The following AGBL4 variants were observed in gnomAD, a reference collection of about 807,000 sequenced individuals.
AGBL4 encodes the protein cytosolic carboxypeptidase 6.
In AGBL4, 58 loss-of-function variants were observed where a neutral mutation model predicts 66.4. The observed-to-expected ratio is 0.87, with a 90% CI of 0.71 to 1.09. The LOEUF (loss-of-function observed/expected upper bound fraction) is 1.09. Ranked by LOEUF, AGBL4 falls within the 50% of genes least tolerant of loss-of-function variation. The pLI, the probability that AGBL4 is intolerant of heterozygous loss-of-function variation, is 0.00. For synonymous variants in AGBL4, 234 were observed against 222.9 expected (o/e 1.05, Z -0.44); for missense variants, 579 against 631.0 (o/e 0.92, Z 0.88).
intron 1 of AGBL4, among the ~76,000 whole-genome samples, chr1:49,983,466 G>A (rs1344164722): frequency 2.6e-5 from 4 of 152,216 alleles, no homozygotes; most frequent in South Asian, 4.1e-4. Flanking sequence ...CACACCGCTC[G>A]CTGCTCTACT....
intron 6 of AGBL4, among the ~76,000 whole-genome samples, chr1:48,672,771 C>G (rs1646297353): frequency 6.6e-6 from 1 of 152,160 alleles, no homozygotes; most frequent in African/African-American, 2.4e-5. Context: ...TGACAATTGT[C>G]ATTTTAAGCC....
At chr1:49,584,399 C>T (rs959072347) in intron 3 of AGBL4, among the ~76,000 whole-genome samples, 2 of 152,150 alleles carry the variant, frequency 1.3e-5, no homozygotes, top group Admixed American at 6.5e-5. Flanking sequence ...AATTTTCTTA[C>T]AGTATCCTTC....
chr1:48,861,501 A>C (rs1210838335), intron 6 of AGBL4, among the ~76,000 whole-genome samples: 2 of 152,230 alleles, frequency 1.3e-5, no homozygotes, highest in Non-Finnish European at 2.9e-5. Flanking sequence ...AATAATATTG[A>C]AACCTGCCCA....
chr1:49,558,404 G>A (rs536420902), intron 3 of AGBL4, among the ~76,000 whole-genome samples: 25 of 152,230 alleles, frequency 1.6e-4, no homozygotes, highest in African/African-American at 5.8e-4. Flanking sequence ...GTGCAGTGGT[G>A]CGATCTCAGC....
chr1:49,690,219 T>A (rs919447611), intron 3 of AGBL4, among the ~76,000 whole-genome samples: 4 of 152,218 alleles, frequency 2.6e-5, no homozygotes, highest in Admixed American at 6.5e-5. Flanking sequence ...ATAGTGAGCA[T>A]AAGTTTTATA....
chr1:48,654,831 C>T (rs530513083), intron 7 of AGBL4, among the ~76,000 whole-genome samples: 14 of 152,252 alleles, frequency 9.2e-5, no homozygotes, highest in Non-Finnish European at 2.1e-4. Flanking sequence ...TCATTTACTT[C>T]TCGGCTAACG....
intron 3 of AGBL4, among the ~76,000 whole-genome samples, chr1:49,272,571 A>G (rs1644084520): frequency 6.6e-6 from 1 of 152,162 alleles, no homozygotes; most frequent in African/African-American, 2.4e-5. Context: ...CTTTACATAT[A>G]TATTTACTAC....
chr1:49,283,958 CAGG>C lies in AGBL4; in HGVS notation c.283-38097_283-38095del, dbSNP rs777866496. ...GGAAAACACTCTGCAGGATATTATC[CAGG>C]AGAACTTCCCCAATCTAGCAAGGCA... is the stretch of plus-strand genomic sequence containing the variant. On this transcript the variant is annotated intron_variant, in intron 3 of 13. Coordinates refer to ENST00000371839, the MANE Select transcript of AGBL4 (RefSeq NM_032785.4). Among the ~76,000 whole-genome samples the C allele has an allele frequency of 2.6e-3, 389 of 148,106 alleles. 1 individual carries two copies. Among genetic ancestry groups the C allele is most frequent in the Admixed American group, 4.0e-3 (59 of 14,810 alleles).
intron 11 of AGBL4, among the ~76,000 whole-genome samples, chr1:48,542,548 A>G (rs867318777): frequency 6.6e-6 from 1 of 152,136 alleles, no homozygotes; most frequent in Admixed American, 6.5e-5. Flanking sequence ...CTGGCGTGAG[A>G]TGGTATTTCA....
At chr1:49,173,595 G>T (rs1019049678) in intron 4 of AGBL4, among the ~76,000 whole-genome samples, 1 of 152,154 alleles carries the variant, frequency 6.6e-6, no homozygotes, top group African/African-American at 2.4e-5. Context: ...ATTATAGTGG[G>T]AAAAGACTGA....
At chr1:49,938,793 C>A (rs751530636) in intron 1 of AGBL4, among the ~76,000 whole-genome samples, 1 of 152,158 alleles carries the variant, frequency 6.6e-6, no homozygotes, top group Non-Finnish European at 1.5e-5. Context: ...GAAAATTCAA[C>A]AACGCTTCGT....
At chr1:49,850,337 T>C (rs112604152) in intron 2 of AGBL4, among the ~76,000 whole-genome samples, 27 of 152,246 alleles carry the variant, frequency 1.8e-4, no homozygotes, top group African/African-American at 6.5e-4. Context: ...GGGAGAAACA[T>C]GGAACAGATT....
At chr1:49,251,510 G>A (rs1248150801) in intron 3 of AGBL4, among the ~76,000 whole-genome samples, 1 of 152,106 alleles carries the variant, frequency 6.6e-6, no homozygotes, top group Non-Finnish European at 1.5e-5. Context: ...TGCTTGAGGG[G>A]CACAGAGAAG....
intron 11 of AGBL4, among the ~76,000 whole-genome samples, chr1:48,570,165 G>A (rs997523456): frequency 1.3e-5 from 2 of 152,216 alleles, no homozygotes; most frequent in East Asian, 1.9e-4. Flanking sequence ...TCCTGCTCTG[G>A]AATCTAAAAA....
At chr1:49,098,373 G>A (rs1425411560) in intron 4 of AGBL4, among the ~76,000 whole-genome samples, 5 of 152,204 alleles carry the variant, frequency 3.3e-5, no homozygotes, top group South Asian at 2.1e-4. Context: ...ACTGGACATA[G>A]AAGACCCAAT....
At chr1:49,173,018 C>T (rs1198869913) in intron 4 of AGBL4, among the ~76,000 whole-genome samples, 3 of 152,026 alleles carry the variant, frequency 2.0e-5, no homozygotes, top group Admixed American at 6.6e-5. Context: ...ACTTGGGAGG[C>T]TGAGGCAGGA....
intron 5 of AGBL4, among the ~76,000 whole-genome samples, chr1:48,970,146 G>T (rs1658787017): frequency 6.6e-6 from 1 of 152,122 alleles, no homozygotes; most frequent in South Asian, 2.1e-4. Context: ...CTCTAAATAA[G>T]CAGTAGACTT....
intron 4 of AGBL4, among the ~76,000 whole-genome samples, chr1:49,198,745 C>A (rs763409734): frequency 4.0e-5 from 6 of 150,624 alleles, no homozygotes; most frequent in Non-Finnish European, 8.9e-5. Flanking sequence ...TAAAAACTTG[C>A]GTTTTTTTTT....
intron 9 of AGBL4, among the ~76,000 whole-genome samples, chr1:48,599,924 G>A (rs376531252): frequency 5.3e-5 from 8 of 152,162 alleles, no homozygotes; most frequent in Admixed American, 1.3e-4. Flanking sequence ...GGGAGAAAGC[G>A]TGGACCGAGA....
Sources: gnomAD v4.1 joint callset for allele counts (sites outside exome capture counted in the v4.1 genomes callset) on GRCh38, gnomAD v4.1.1 for gene constraint, MANE v1.5 for transcripts, NCBI Gene and HGNC (gene_info 2026-07-23, HGNC 2026-07-21) for gene names.